The following XPNPEP1 variants were observed in gnomAD, a reference collection of about 807,000 sequenced individuals.
XPNPEP1 encodes the protein X-prolyl aminopeptidase 1, also known as xaa-Pro aminopeptidase 1.
A neutral mutation model predicts 92.4 loss-of-function variants in XPNPEP1; 39 were observed. That is an observed-to-expected ratio of 0.42 (90% CI 0.33 to 0.55). XPNPEP1 has a LOEUF of 0.55. XPNPEP1 is among the 20% of genes least tolerant of loss of function. XPNPEP1 has a pLI of 0.08. For synonymous variants in XPNPEP1, 307 were observed against 299.4 expected, an observed-to-expected ratio of 1.03 and a Z score of -0.26; for missense variants, 654 against 856.1, an observed-to-expected ratio of 0.76 and a Z score of 2.95.
At chr10:109,922,756 T>C (rs1850615713) in intron 1 of XPNPEP1, among the ~76,000 whole-genome samples, 2 of 152,224 alleles carry the variant, frequency 1.3e-5, no homozygotes, top group Admixed American at 1.3e-4. Context: ...GGCAGGGGAA[T>C]AAACTAAAAC....
chr10:109,870,931 T>C, intron 17 of XPNPEP1, 27 bp from the exon 18 acceptor site: 1 of 1,610,200 alleles, frequency 6.2e-7, no homozygotes, highest in Non-Finnish European at 8.5e-7. Flanking sequence ...GCCACTTAAT[T>C]GTATTTGTAC....
At position 109,888,614 on chromosome 10, in the gene XPNPEP1, A is replaced by G. The variant is rs781753862; in HGVS notation, c.416-19T>C. On this transcript the variant is annotated intron_variant, in intron 5 of 20. Transcript: ENST00000502935. ...TTCAGACCTACAGGGGGAAGAAATG[A>G]TAAGAAACAATTCCCAGTGGGCCCA... 15 of 1,576,400 alleles carry G rather than the reference A, an allele frequency of 9.5e-6. No individual in the cohort carries two copies. The South Asian group carries it at 1.3e-4, about 13-fold the overall frequency.
chr10:109,884,432 AAGG>A, intron 8 of XPNPEP1: 1 of 344,546 alleles, frequency 2.9e-6, no homozygotes, highest in South Asian at 4.6e-5. Flanking sequence ...CTGCCCCCAC[AAGG>A]AGTTGAAATG....
chr10:109,883,309 C>A (rs550350719), intron 9 of XPNPEP1, among the ~76,000 whole-genome samples: 1 of 151,934 alleles, frequency 6.6e-6, no homozygotes, highest in South Asian at 2.1e-4. Context: ...CATGGTTCCC[C>A]GCCCCTCCTC....
intron 5 of XPNPEP1, 133 bp downstream of exon 5, chr10:109,891,589 T>C: frequency 2.9e-6 from 2 of 696,584 alleles, no homozygotes; most frequent in Admixed American, 6.3e-5. Flanking sequence ...TTTTTTTTTT[T>C]CTCAGTTTTC....
chr10:109,902,824 C>G (rs1206501385), intron 3 of XPNPEP1, among the ~76,000 whole-genome samples: 2 of 152,220 alleles, frequency 1.3e-5, no homozygotes, highest in African/African-American at 4.8e-5. Flanking sequence ...TCAGTTTCCT[C>G]ATGGAGGGAA....
chr10:109,870,069 G>T (rs187614725), intron 18 of XPNPEP1, 40 bp from the exon 19 acceptor site: 21 of 1,604,076 alleles, frequency 1.3e-5, no homozygotes, highest in Non-Finnish European at 1.6e-5. Context: ...AGCAGCCCAC[G>T]ATGAAGATGT....
intron 1 of XPNPEP1, among the ~76,000 whole-genome samples, chr10:109,919,269 T>A (rs1589645578): frequency 6.6e-6 from 1 of 152,186 alleles, no homozygotes; most frequent in East Asian, 1.9e-4. Context: ...TATAAAGAAC[T>A]ATTATAACTC....
At chr10:109,914,448 G>A (rs952265410) in intron 2 of XPNPEP1, among the ~76,000 whole-genome samples, 6 of 151,270 alleles carry the variant, frequency 4.0e-5, no homozygotes, top group Non-Finnish European at 8.8e-5. Flanking sequence ...AATGGAAAAC[G>A]AAAAAAACAA....
chr10:109,867,404 C>T lies in XPNPEP1; in HGVS notation c.1872+1210G>A, dbSNP rs1192752965. On this transcript the variant is annotated intron_variant, in intron 20 of 20. Transcript: ENST00000502935. This position sits in a 1 kb window ranked among gnomAD's most constrained non-coding sequence, Gnocchi z 4.5. Reference sequence around the variant, plus strand: ...AGCTGCATAACCCACCCGGTATCAGCAAGGCCCATGTGGGTCCTGTGAGTG... The same window carrying T: ...AGCTGCATAACCCACCCGGTATCAGTAAGGCCCATGTGGGTCCTGTGAGTG... 6.6e-6 allele frequency among the ~76,000 whole-genome samples: 1 copy of T among 152,260 alleles called. No individual in the cohort carries two copies. The highest frequency in any genetic ancestry group is 2.4e-5 in the African/African-American group (1 of 41,468).
At chr10:109,921,248 A>G (rs910398132) in intron 1 of XPNPEP1, among the ~76,000 whole-genome samples, 1 of 152,208 alleles carries the variant, frequency 6.6e-6, no homozygotes, top group Admixed American at 6.5e-5. Context: ...CAAAGATCAA[A>G]TGACTGGCTC....
intron 2 of XPNPEP1, among the ~76,000 whole-genome samples, chr10:109,908,824 C>A (rs1849697788): frequency 6.6e-6 from 1 of 152,170 alleles, no homozygotes; most frequent in African/African-American, 2.4e-5. Flanking sequence ...GTTTTATAAA[C>A]CTTTTGTTAA....
intron 12 of XPNPEP1, among the ~76,000 whole-genome samples, chr10:109,879,969 G>A (rs1185643097): frequency 6.6e-6 from 1 of 152,020 alleles, no homozygotes; most frequent in African/African-American, 2.4e-5. Flanking sequence ...CTCTATTATG[G>A]AACTTTTCTT....
intron 3 of XPNPEP1, among the ~76,000 whole-genome samples, chr10:109,898,762 G>A (rs1399070847): frequency 6.6e-6 from 1 of 152,244 alleles, no homozygotes; most frequent in Non-Finnish European, 1.5e-5. Flanking sequence ...GCAAGTTCTA[G>A]AGAGACACTA....
At chr10:109,871,184 C>T (rs1301110152) in intron 17 of XPNPEP1, among the ~76,000 whole-genome samples, 1 of 152,034 alleles carries the variant, frequency 6.6e-6, no homozygotes, top group Non-Finnish European at 1.5e-5. Flanking sequence ...GTTCCCTTGC[C>T]AGCTCTGCGA....
In XPNPEP1 at chr10:109,886,130, GTCT is replaced by G. The variant is rs537150346; in HGVS notation, c.748+113_748+115del. ...TCTCCTATACCCATTTGGTGACGTAGTCTTCTTCTTATTCCCTGGCCACTCAGA... is the reference window on the plus strand; with the variant it reads ...TCTCCTATACCCATTTGGTGACGTAGTCTTCTTATTCCCTGGCCACTCAGA... On this transcript the variant is annotated intron_variant, in intron 8 of 20. Coordinates refer to ENST00000502935, the MANE Select transcript of XPNPEP1 (RefSeq NM_020383.4). The G allele has an allele frequency of 5.7e-4, 574 of 1,005,140 alleles. 10 individuals carry two copies. The South Asian group carries it at 7.5e-3, about 13-fold the overall frequency. The allele number at this position is 1,005,140 out of a possible 1,614,324, so 62.3% of individuals were successfully genotyped here. A position where few individuals can be genotyped will look rare whatever the true frequency, so the allele number is the denominator to read the frequency against.
rs1370745409 is a variant in XPNPEP1, at chr10:109,884,128, A to T, written c.769T>A (p.Ser257Thr). ...AATACTGGATTGTGCTCCACATCTG[A>T]TCCTCGGAGATTAAATAGCCCTAGA... ...EIAWLFNLRG[S>T]DVEHNPVFFS... The change falls in exon 9 of 21, where the codon TCA (serine) becomes ACA (threonine). Residue 257 changes from serine (S) to threonine (T), a missense_variant. By Grantham distance (58) the Ser-to-Thr change is moderately conservative (BLOSUM62 1). Coordinates refer to ENST00000502935, the MANE Select transcript of XPNPEP1 (RefSeq NM_020383.4). The T allele has an allele frequency of 6.2e-7, 1 of 1,613,940 alleles. No homozygotes were observed. Among genetic ancestry groups the T allele is most frequent in the Admixed American group, 1.7e-5 (1 of 59,992 alleles).
At chr10:109,917,559 G>T (rs768599906) in intron 1 of XPNPEP1, among the ~76,000 whole-genome samples, 1 of 152,172 alleles carries the variant, frequency 6.6e-6, no homozygotes, top group Non-Finnish European at 1.5e-5. Context: ...TTCCCAAATT[G>T]ATCTATGGAC....
intron 3 of XPNPEP1, among the ~76,000 whole-genome samples, chr10:109,906,686 C>A (rs1408307363): frequency 6.6e-6 from 1 of 152,222 alleles, no homozygotes; most frequent in Admixed American, 6.5e-5. Flanking sequence ...CTGCTTTTTA[C>A]TTCCCTGGTC....
Sources: gnomAD v4.1 joint callset for allele counts (sites outside exome capture counted in the v4.1 genomes callset) on GRCh38, gnomAD v4.1.1 for gene constraint, Gnocchi (gnomAD v3.1) non-coding constraint, MANE v1.5 for transcripts, NCBI Gene and HGNC (gene_info 2026-07-23, HGNC 2026-07-21) for gene names.